Variants in OSBPL11 observed in about 807,000 individuals in gnomAD.
OSBPL11 encodes the protein oxysterol binding protein like 11.
In OSBPL11, 33 loss-of-function variants were observed where a neutral mutation model predicts 84.4. The observed-to-expected ratio is 0.39, with a 90% CI of 0.30 to 0.52. OSBPL11 has a LOEUF of 0.52. OSBPL11 is among the 20% of genes least tolerant of loss of function. The pLI, the probability that OSBPL11 is intolerant of heterozygous loss-of-function variation, is 0.72. For synonymous variants in OSBPL11, 276 were observed against 310.2 expected, an observed-to-expected ratio of 0.89 and a Z score of 1.16; for missense variants, 736 against 901.1, an observed-to-expected ratio of 0.82 and a Z score of 2.35.
rs575407676 is a variant in OSBPL11 at position 125,576,118 on chromosome 3, G to GT, written c.666+70dup. 6.4e-6 allele frequency: 9 copies of GT among 1,414,504 alleles called. No homozygotes were observed. The South Asian group carries it at 8.7e-5, about 14-fold the overall frequency. 87.6% of individuals were successfully genotyped at this position (1,414,504 alleles called of 1,614,324 possible). A position where few individuals can be genotyped will look rare whatever the true frequency, so the allele number is the denominator to read the frequency against. On this transcript the variant is annotated intron_variant, in intron 5 of 12. Transcript: ENST00000296220. ...CCTTGAAGACACAAACAGTATTTAA[G>GT]TTTTTTTGTGACAAAACCAAGCAGG...
At position 125,531,973 on chromosome 3, in the gene OSBPL11, T is replaced by G. The variant is rs1055147394; in HGVS notation, c.2066A>C (p.Glu689Ala). The change falls in exon 12 of 13, where the codon GAA (glutamate) becomes GCA (alanine). Residue 689 changes from glutamate to alanine, a missense_variant. Around this residue, in one of 3 missense-constraint regions of OSBPL11, gnomAD observed 579 missense variants for 717.6 expected, o/e 0.81. Transcript: ENST00000296220. The stretch of plus-strand genomic sequence containing the variant: ...CTTATGCTCTGTGGCCTTATCAATT[T>G]CAGATTCTCTCAGCGAGTCTGTCAC... The part of the protein sequence containing the change: ...KNVTDSLRES[E>A]IDKATEHKHT... 16 of 1,611,966 alleles carry G rather than the reference T, an allele frequency of 9.9e-6. No individual in the cohort carries two copies. Among genetic ancestry groups the G allele is most frequent in the Non-Finnish European group, 1.4e-5 (16 of 1,179,598 alleles).
chr3:125,543,307 T>G (rs1455570034), intron 10 of OSBPL11, among the ~76,000 whole-genome samples: 1 of 151,846 alleles, frequency 6.6e-6, no homozygotes, highest in East Asian at 1.9e-4. Context: ...AATGTTTGTA[T>G]TTTTAGTAAA....
intron 11 of OSBPL11, among the ~76,000 whole-genome samples, chr3:125,534,928 T>G (rs1424656348): frequency 1.0e-5 from 1 of 96,850 alleles, no homozygotes; most frequent in Admixed American, 1.6e-4. Context: ...ACCCCTAACC[T>G]AAGCTTCCAT....
chr3:125,590,324 T>C (rs1936577995), intron 1 of OSBPL11, among the ~76,000 whole-genome samples: 1 of 152,094 alleles, frequency 6.6e-6, no homozygotes, highest in African/African-American at 2.4e-5. Context: ...CCGAAGTGGG[T>C]GGATCACTTG....
At chr3:125,537,933 A>C (rs7628517) in intron 11 of OSBPL11, among the ~76,000 whole-genome samples, 17,172 of 152,206 alleles carry the variant, frequency 0.11, 2,162 homozygotes, top group African/African-American at 0.32. Flanking sequence ...TTTAACATCT[A>C]ATCAGCAGCA....
chr3:125,582,901 C>G lies in OSBPL11; in HGVS notation c.233+9G>C. 6.3e-7 allele frequency: 1 copy of G among 1,578,012 alleles called. No individual in the cohort carries two copies. The highest frequency in any genetic ancestry group is 8.6e-7 in the Non-Finnish European group (1 of 1,159,840). ...GAGAGACTGATGTGACACAAATAAT[C>G]ACACTTACCTGTACTGCCACCCAGT... On this transcript the variant is annotated intron_variant, in intron 2 of 12. Transcript: ENST00000296220.
At position 125,563,788 on chromosome 3, in the gene OSBPL11, A is replaced by G. The variant is rs1158662828; in HGVS notation, c.924T>C (p.Asn308=). Residue 308 remains asparagine (N), a synonymous_variant, in exon 7 of 13, where the codon AAT becomes AAC. Coordinates refer to ENST00000296220, the MANE Select transcript of OSBPL11 (RefSeq NM_022776.5). ...PKISLSNHYK[N]GADQPFATDQ... is the part of the protein sequence containing the mutation. ...CAGTTGCAAAGGGCTGGTCAGCTCC[A>G]TTTTTATAGTGGTTTGATAAAGATA... 2 of 1,614,182 alleles carry G rather than the reference A, an allele frequency of 1.2e-6. No individual in the cohort carries two copies. The highest frequency in any genetic ancestry group is 3.3e-5 in the Admixed American group (2 of 60,010).
chr3:125,535,169 T>C (rs1580030504), intron 11 of OSBPL11, among the ~76,000 whole-genome samples: 1 of 151,808 alleles, frequency 6.6e-6, no homozygotes, highest in East Asian at 1.9e-4. Context: ...GGGATATCAC[T>C]ATAGATCCTA....
At chr3:125,559,070 T>C (rs1239803369) in intron 8 of OSBPL11, among the ~76,000 whole-genome samples, 1 of 152,212 alleles carries the variant, frequency 6.6e-6, no homozygotes, top group Non-Finnish European at 1.5e-5. Context: ...ATCCAGTATA[T>C]TGTCTATGGC....
At chr3:125,555,789 A>T (rs1935982999) in intron 8 of OSBPL11, among the ~76,000 whole-genome samples, 1 of 152,004 alleles carries the variant, frequency 6.6e-6, no homozygotes, top group Non-Finnish European at 1.5e-5. Context: ...GGTTCAAGTG[A>T]TTCCTGTGCC....
At chr3:125,576,389 C>T (rs566487153) in intron 4 of OSBPL11, 24 bp from the exon 5 acceptor site, 2 of 1,518,100 alleles carry the variant, frequency 1.3e-6, no homozygotes, top group Admixed American at 5.0e-5. Context: ...AAAATCATTC[C>T]TTTTGTTTTC....
Position 125,531,931 on chromosome 3 carries a change from C to T in OSBPL11, c.2108G>A (p.Arg703His), listed in dbSNP as rs139853390. ...ATEHKHTLEE[R>H]QRTEERHRTE... ...ACGATGCCTTTCTTCAGTCCTCTGACGTTCTTCCAGGGTATGCTTATGCTC... is the reference window on the plus strand; with the variant it reads ...ACGATGCCTTTCTTCAGTCCTCTGATGTTCTTCCAGGGTATGCTTATGCTC... The change falls in exon 12 of 13, where the codon CGT becomes CAT. Residue 703 changes from arginine (R) to histidine (H), a missense_variant. By Grantham distance (29) the Arg-to-His change is conservative. Around this residue, in one of 3 missense-constraint regions of OSBPL11, gnomAD observed 579 missense variants for 717.6 expected, o/e 0.81. Coordinates refer to ENST00000296220, the MANE Select transcript of OSBPL11 (RefSeq NM_022776.5). 1.1e-4 allele frequency: 174 copies of T among 1,614,076 alleles called. 2 individuals are homozygous for T. In the African/African-American group the frequency reaches 1.1e-3, roughly 11 times the overall value.
At chr3:125,576,402 CTTT>C (rs764628232) in intron 4 of OSBPL11, 37 bp from the exon 5 acceptor site, 36 of 1,494,164 alleles carry the variant, frequency 2.4e-5, no homozygotes, top group Non-Finnish European at 2.6e-5. Context: ...TTGTTTTCTT[CTTT>C]AATTTAGGAT....
At chr3:125,567,671 T>C (rs1936180758) in intron 5 of OSBPL11, 76 bp from the exon 6 acceptor site, 1 of 1,244,226 alleles carries the variant, frequency 8.0e-7, no homozygotes, top group East Asian at 2.4e-5. Context: ...CCATTTTAAT[T>C]ACCAGATTCA....
intron 1 of OSBPL11, among the ~76,000 whole-genome samples, chr3:125,584,511 C>T (rs1337049468): frequency 2.0e-5 from 3 of 152,188 alleles, no homozygotes; most frequent in Non-Finnish European, 2.9e-5. Context: ...TCTCAAAGTG[C>T]CAAGATATTT....
At chr3:125,564,780 G>T (rs569605626) in intron 6 of OSBPL11, among the ~76,000 whole-genome samples, 58 of 151,284 alleles carry the variant, frequency 3.8e-4, no homozygotes, top group African/African-American at 1.4e-3. Context: ...TCAGCCTCCC[G>T]GGTAGCTGGG....
intron 10 of OSBPL11, among the ~76,000 whole-genome samples, chr3:125,539,168 T>A (rs923362496): frequency 6.6e-6 from 1 of 150,920 alleles, no homozygotes; most frequent in Non-Finnish European, 1.5e-5. Context: ...TACATTAAAA[T>A]GTTTAAAATT....
chr3:125,590,489 G>C (rs537364103), intron 1 of OSBPL11, among the ~76,000 whole-genome samples: 3 of 152,274 alleles, frequency 2.0e-5, no homozygotes, highest in African/African-American at 7.2e-5. Context: ...CTGGGAGGCA[G>C]AGGTTGCAGT....
chr3:125,540,300 G>C (rs1369547014), intron 10 of OSBPL11, among the ~76,000 whole-genome samples: 2 of 134,976 alleles, frequency 1.5e-5, no homozygotes, highest in Non-Finnish European at 3.0e-5. Context: ...TTGCACTCCA[G>C]CCTGGGCGAC....
Sources: allele counts gnomAD v4.1 joint callset (sites outside exome capture counted in the v4.1 genomes callset), GRCh38; gene constraint gnomAD v4.1.1; regional missense constraint gnomAD v4.1.1; transcripts MANE v1.5; gene names NCBI Gene and HGNC (gene_info 2026-07-23, HGNC 2026-07-21).